The following HEXB variants were observed in gnomAD, a reference collection of about 807,000 sequenced individuals.
HEXB encodes beta-hexosaminidase subunit beta.
In HEXB, 51 loss-of-function variants were observed where a neutral mutation model predicts 71.2. The observed-to-expected ratio is 0.72, with a 90% CI of 0.57 to 0.90. The LOEUF is 0.90. HEXB is among the 40% of genes least tolerant of loss of function. The pLI is 0.00. For synonymous variants in HEXB, 266 were observed against 249.3 expected (o/e 1.07, Z -0.63); for missense variants, 617 against 677.0 (o/e 0.91, Z 0.98).
At chr5:74,712,461 TA>T (rs1323938720) in intron 6 of HEXB, among the ~76,000 whole-genome samples, 6 of 151,828 alleles carry the variant, frequency 4.0e-5, no homozygotes, top group South Asian at 2.1e-4. Context: ...CTTTAAATTT[TA>T]AAAAAAAATT....
chr5:74,689,136 A>T (rs1242230824), intron 1 of HEXB, among the ~76,000 whole-genome samples, 192 bp from the exon 2 acceptor site: 2 of 152,158 alleles, frequency 1.3e-5, no homozygotes, highest in African/African-American at 4.8e-5. Context: ...TCTGATTCTG[A>T]AGGCATGGAC....
At chr5:74,721,058 T>C (rs924098853) in intron 13 of HEXB, 60 bp from the exon 14 acceptor site, 43 of 1,294,268 alleles carry the variant, frequency 3.3e-5, no homozygotes, top group Non-Finnish European at 4.5e-5. Flanking sequence ...ATCTAAAATA[T>C]CTTTATGAAT....
chr5:74,650,765 C>CAAAAA (rs773616448), intron 1 of HEXB, among the ~76,000 whole-genome samples: 7 of 145,516 alleles, frequency 4.8e-5, no homozygotes, highest in African/African-American at 1.8e-4. Context: ...ACTAAAAATA[C>CAAAAA]AAAAAAAAAA....
chr5:74,707,206 C>T (rs1580390602), intron 6 of HEXB, among the ~76,000 whole-genome samples: 2 of 152,222 alleles, frequency 1.3e-5, no homozygotes, highest in Non-Finnish European at 2.9e-5. Context: ...CTCTAGCAAA[C>T]TCCAACAGAC....
At chr5:74,676,575 G>A (rs898375427) in intron 1 of HEXB, among the ~76,000 whole-genome samples, 30 of 152,276 alleles carry the variant, frequency 2.0e-4, no homozygotes, top group African/African-American at 7.2e-4. Flanking sequence ...AGACCAGCCT[G>A]GCCAACATTG....
At chr5:74,698,302 G>T (rs985268129) in intron 5 of HEXB, among the ~76,000 whole-genome samples, 9 of 151,624 alleles carry the variant, frequency 5.9e-5, no homozygotes, top group African/African-American at 2.2e-4. Flanking sequence ...TCGAACTCCT[G>T]ACCTCAGGTG....
chr5:74,704,435 G>C (rs1269336209), intron 5 of HEXB, among the ~76,000 whole-genome samples: 3 of 151,914 alleles, frequency 2.0e-5, no homozygotes, highest in Non-Finnish European at 4.4e-5. Flanking sequence ...TTCCTCTAGA[G>C]TATATATAAA....
intron 1 of HEXB, among the ~76,000 whole-genome samples, chr5:74,656,939 C>T (rs1003549610): frequency 1.3e-5 from 2 of 152,164 alleles, no homozygotes; most frequent in African/African-American, 2.4e-5. Context: ...AAGTCTCTCT[C>T]ATCTCAGTAA....
chr5:74,719,009 G>C, intron 11 of HEXB, 38 bp downstream of exon 11: 1 of 1,600,976 alleles, frequency 6.2e-7, no homozygotes, highest in African/African-American at 1.3e-5. Flanking sequence ...GTGGGTTACT[G>C]TGAAGCTGAT....
chr5:74,673,822 T>C (rs1199902964), intron 1 of HEXB, among the ~76,000 whole-genome samples: 1 of 152,130 alleles, frequency 6.6e-6, no homozygotes, highest in Non-Finnish European at 1.5e-5. Context: ...ACAAGAGCAG[T>C]TACTCAAGAA....
chr5:74,671,429 C>CA (rs1386945241), intron 1 of HEXB, among the ~76,000 whole-genome samples: 1 of 151,884 alleles, frequency 6.6e-6, no homozygotes, highest in Admixed American at 6.6e-5. Context: ...AAAAAAAAGC[C>CA]ATATGGTACA....
intron 1 of HEXB, among the ~76,000 whole-genome samples, chr5:74,656,192 A>T (rs1316766681): frequency 6.6e-6 from 1 of 152,204 alleles, no homozygotes; most frequent in Non-Finnish European, 1.5e-5. Context: ...ACAGTGGCTC[A>T]CACCTGTAAC....
intron 1 of HEXB, among the ~76,000 whole-genome samples, chr5:74,662,743 T>C (rs1249737277): frequency 6.6e-6 from 1 of 152,208 alleles, no homozygotes; most frequent in Non-Finnish European, 1.5e-5. Context: ...TATATTAATA[T>C]GCACAGTTTT....
intron 3 of HEXB, among the ~76,000 whole-genome samples, chr5:74,696,175 A>G (rs181714561): frequency 2.3e-4 from 35 of 152,336 alleles, no homozygotes; most frequent in African/African-American, 7.9e-4. Context: ...CAACTAGTAT[A>G]TTAAGGGAAT....
At chr5:74,712,881 C>G (rs532143823) in intron 6 of HEXB, among the ~76,000 whole-genome samples, 10 of 151,972 alleles carry the variant, frequency 6.6e-5, no homozygotes, top group African/African-American at 2.4e-4. Context: ...ATATTGAGTT[C>G]TAATTTTTCA....
chr5:74,689,546 T>C, intron 2 of HEXB, 73 bp downstream of exon 2: 1 of 1,238,940 alleles, frequency 8.1e-7, no homozygotes, highest in Non-Finnish European at 1.2e-6. Flanking sequence ...AAAAACTGAC[T>C]CCATGCTAGG....
At chr5:74,653,696 C>T (rs534512231) in intron 1 of HEXB, among the ~76,000 whole-genome samples, 128 of 152,268 alleles carry the variant, frequency 8.4e-4, no homozygotes, top group Non-Finnish European at 1.5e-3. Context: ...TGATAAAGTT[C>T]CTGGAATTGT....
chr5:74,701,939 C>T (rs181728974), intron 5 of HEXB, among the ~76,000 whole-genome samples: 27 of 152,126 alleles, frequency 1.8e-4, no homozygotes, highest in African/African-American at 6.5e-4. Context: ...ATACGCAGAC[C>T]CCATTCAAAT....
intron 1 of HEXB, among the ~76,000 whole-genome samples, chr5:74,645,069 G>A (rs971372503): frequency 2.0e-5 from 3 of 152,006 alleles, no homozygotes; most frequent in African/African-American, 7.2e-5. Flanking sequence ...ACCACTCCTG[G>A]CCTCCTTAGG....
Sources: gnomAD v4.1 joint callset for allele counts (sites outside exome capture counted in the v4.1 genomes callset) on GRCh38, gnomAD v4.1.1 for gene constraint, MANE v1.5 for transcripts, NCBI Gene and HGNC (gene_info 2026-07-23, HGNC 2026-07-21) for gene names.